DAB1: variants seen among roughly 807,000 people sequenced by gnomAD.
DAB1 encodes the protein disabled homolog 1.
Under a neutral mutation model 64.6 loss-of-function variants are expected in DAB1, and 15 were observed. The ratio of observed to expected loss-of-function variants is 0.23; its 90% confidence interval spans 0.16 to 0.36. DAB1 has a LOEUF of 0.36. Among genes scored for constraint, DAB1 ranks in the 10% least tolerant of loss-of-function variants. The pLI is 1.00. For synonymous variants in DAB1, 235 were observed against 251.9 expected, an observed-to-expected ratio of 0.93 and a Z score of 0.64; for missense variants, 596 against 706.7, an observed-to-expected ratio of 0.84 and a Z score of 1.78.
At chr1:57,116,494 A>C (rs1656146007) in intron 4 of DAB1, among the ~76,000 whole-genome samples, 1 of 151,234 alleles carries the variant, frequency 6.6e-6, no homozygotes, top group African/African-American at 2.4e-5. Flanking sequence ...GAAAGAAAGC[A>C]GGTTGGGAGA....
At chr1:57,464,832 T>C (rs780806561) in intron 7 of DAB1, among the ~76,000 whole-genome samples, 9 of 152,110 alleles carry the variant, frequency 5.9e-5, no homozygotes, top group Non-Finnish European at 5.9e-5. Context: ...TAGCACAATA[T>C]TTCCTGGGAG....
At chr1:58,352,866 A>G (rs1318934672) in intron 3 of DAB1, among the ~76,000 whole-genome samples, 1 of 152,166 alleles carries the variant, frequency 6.6e-6, no homozygotes, top group African/African-American at 2.4e-5. Flanking sequence ...GTAAGGATAC[A>G]GCAAAAAGAG....
At position 57,870,509 on chromosome 1, in the gene DAB1, A is replaced by C. The variant is rs1406469377; in HGVS notation, n.87+13490T>G. 2.0e-5 allele frequency among the ~76,000 whole-genome samples: 3 copies of C among 152,172 alleles called. No individual in the cohort carries two copies. The East Asian group carries it at 5.8e-4, about 29-fold the overall frequency. ...GCACTTTCCACTACAGGATCTTGGG[A>C]AATTCACTTAACCTCTCTGAGCTTA... On this transcript the variant is annotated intron_variant and non_coding_transcript_variant, in intron 1 of 1. Coordinates refer to the DAB1 transcript ENST00000477280.
chr1:57,771,495 T>C (rs1275267770), intron 6 of DAB1, among the ~76,000 whole-genome samples: 1 of 152,130 alleles, frequency 6.6e-6, no homozygotes, highest in African/African-American at 2.4e-5. Context: ...TATAACTGCC[T>C]GGCTTAAGTG....
intron 6 of DAB1, among the ~76,000 whole-genome samples, chr1:57,812,365 A>G (rs1457853911): frequency 1.3e-5 from 2 of 151,710 alleles, no homozygotes; most frequent in Non-Finnish European, 2.9e-5. Context: ...AGAAAGAAAG[A>G]AAAAAGGCAA....
chr1:57,690,539 G>A (rs532570409), intron 6 of DAB1, among the ~76,000 whole-genome samples: 2 of 152,264 alleles, frequency 1.3e-5, no homozygotes, highest in South Asian at 4.1e-4. Flanking sequence ...GGTCTCCCAA[G>A]CCATGCTACT....
rs890025812 is a variant in DAB1 at position 57,236,388 on chromosome 1, C to T, written c.67+54576G>A. The stretch of plus-strand genomic sequence containing the variant: ...CTTCGGCCGGACCTGAAAAGCGCTA[C>T]AGGAGAGTTACAGGAGCACAGAAAA... On this transcript the variant is annotated intron_variant, in intron 2 of 14. Transcript: ENST00000371236. Among the ~76,000 whole-genome samples the T allele has an allele frequency of 2.0e-5, 3 of 152,208 alleles. No individual in the cohort carries two copies. In the East Asian group the frequency reaches 5.8e-4, roughly 30 times the overall value.
chr1:58,310,975 C>G (rs1224595603), intron 4 of DAB1, among the ~76,000 whole-genome samples: 2 of 152,094 alleles, frequency 1.3e-5, no homozygotes, highest in African/African-American at 4.8e-5. Context: ...TAGTAAGACT[C>G]CTCTGAGCCC....
intron 2 of DAB1, among the ~76,000 whole-genome samples, chr1:57,172,554 A>G (rs1202141890): frequency 6.6e-6 from 1 of 152,188 alleles, no homozygotes; most frequent in Non-Finnish European, 1.5e-5. Flanking sequence ...CTGTAGATAG[A>G]CTGAAGCATA....
chr1:57,924,797 C>T (rs1202454262), intron 5 of DAB1, among the ~76,000 whole-genome samples: 1 of 151,774 alleles, frequency 6.6e-6, no homozygotes, highest in African/African-American at 2.4e-5. Context: ...TCAGTTTACT[C>T]GTCTGATGGA....
intron 6 of DAB1, among the ~76,000 whole-genome samples, chr1:57,751,546 A>G (rs1648552914): frequency 6.6e-6 from 1 of 152,192 alleles, no homozygotes; most frequent in South Asian, 2.1e-4. Flanking sequence ...GGTGACTTTT[A>G]ACTACAAGAG....
At position 57,846,524 on chromosome 1, in the gene DAB1, C is replaced by T. The variant is rs189534205; in HGVS notation, n.88-20069G>A. Among the ~76,000 whole-genome samples the T allele has an allele frequency of 2.1e-4, 32 of 151,374 alleles. No homozygotes were observed. The East Asian group carries it at 6.2e-3, about 29-fold the overall frequency. On this transcript the variant is annotated intron_variant and non_coding_transcript_variant, in intron 1 of 1. Transcript: ENST00000477280. Reference sequence around the variant, plus strand: ...CTGTATTTCTTCCCTCCTTTGTTCACTTATTAAAAATACATTGAAAGCCTA... The same window carrying T: ...CTGTATTTCTTCCCTCCTTTGTTCATTTATTAAAAATACATTGAAAGCCTA...
intron 5 of DAB1, among the ~76,000 whole-genome samples, chr1:58,046,285 C>T (rs532059934): frequency 6.6e-6 from 1 of 152,286 alleles, no homozygotes; most frequent in South Asian, 2.1e-4. Flanking sequence ...TATCAAATAT[C>T]CAATTGGCTA....
At chr1:57,595,336 G>A (rs770644284) in intron 7 of DAB1, among the ~76,000 whole-genome samples, 1 of 151,772 alleles carries the variant, frequency 6.6e-6, no homozygotes, top group Non-Finnish European at 1.5e-5. Context: ...CATTGTGAAA[G>A]GATATCAGCT....
At chr1:58,403,277 A>T (rs338917) in intron 3 of DAB1, among the ~76,000 whole-genome samples, 93,701 of 148,370 alleles carry the variant, frequency 0.63, 29,860 homozygotes, top group African/African-American at 0.75. Flanking sequence ...TAACCAAAAT[A>T]GTTATCTATT....
At chr1:58,176,575 A>C (rs1473865524) in intron 4 of DAB1, among the ~76,000 whole-genome samples, 1 of 152,188 alleles carries the variant, frequency 6.6e-6, no homozygotes, top group Non-Finnish European at 1.5e-5. Context: ...TACCATCACA[A>C]GACAGAAGGC....
intron 5 of DAB1, among the ~76,000 whole-genome samples, chr1:58,109,667 A>G (rs1173662428): frequency 1.3e-5 from 2 of 152,008 alleles, no homozygotes; most frequent in African/African-American, 2.4e-5. Context: ...GCGTAAGGCT[A>G]TGGATGGGCT....
chr1:57,570,373 G>A (rs969739717), intron 7 of DAB1, among the ~76,000 whole-genome samples: 1 of 138,184 alleles, frequency 7.2e-6, no homozygotes, highest in African/African-American at 2.6e-5. Context: ...GTGATTACGT[G>A]AGTTAATACT....
intron 4 of DAB1, among the ~76,000 whole-genome samples, chr1:58,230,311 T>C (rs1320345620): frequency 1.3e-5 from 2 of 152,106 alleles, no homozygotes; most frequent in Non-Finnish European, 2.9e-5. Flanking sequence ...GAGAGCAAAA[T>C]GGTGAGAAGA....
Sources: allele counts gnomAD v4.1 joint callset (sites outside exome capture counted in the v4.1 genomes callset), GRCh38; gene constraint gnomAD v4.1.1; transcripts MANE v1.5; gene names NCBI Gene and HGNC (gene_info 2026-07-23, HGNC 2026-07-21).